The following NBN variants were observed in gnomAD, a reference collection of about 807,000 sequenced individuals.
NBN encodes the protein nibrin, also known as Nijmegen breakage syndrome 1 (nibrin).
In NBN, 88 loss-of-function variants were observed where a neutral mutation model predicts 90.8. The observed-to-expected ratio is 0.97, with a 90% CI of 0.82 to 1.16. NBN has a LOEUF of 1.16. NBN is among the 50% of genes most tolerant of loss of function. The probability of loss-of-function intolerance (pLI) is 0.00; values close to 1 mark genes in which losing one functional copy is unlikely to be tolerated. For missense variants in NBN, 894 were observed against 869.6 expected (o/e 1.03, Z -0.35); for synonymous variants, 328 against 295.1 (o/e 1.11, Z -1.14).
Position 89,943,329 on chromosome 8 carries a change from A to G in NBN, c.2108T>C (p.Ile703Thr), listed in dbSNP as rs1554555819. The change falls in exon 14 of 16, where the codon ATT (isoleucine) becomes ACT (threonine). Residue 703 changes from isoleucine to threonine, a missense_variant. Ile to Thr is a moderately conservative substitution (Grantham distance 89). Transcript: ENST00000265433. ...YPGAGKLPHIIGGSDLIAHHA... is the reference protein window; with the variant it reads ...YPGAGKLPHITGGSDLIAHHA... Reference sequence around the variant, plus strand: ...ATGAGCTATTAGATCTGATCCTCCAATGATGTGTGGAAGTTTTCCTGCTCC... The same window carrying G: ...ATGAGCTATTAGATCTGATCCTCCAGTGATGTGTGGAAGTTTTCCTGCTCC... 3 of 1,611,188 alleles carry G rather than the reference A, an allele frequency of 1.9e-6. No individual in the cohort carries two copies. The highest frequency in any genetic ancestry group is 2.5e-6 in the Non-Finnish European group (3 of 1,177,408).
rs1399969770 is a variant in NBN at position 89,946,075 on chromosome 8, G to A, written c.2070+65C>T. On this transcript the variant is annotated intron_variant, in intron 13 of 15. Transcript: ENST00000265433. ...CATAAACTGCTTTTATCTTTGTTTA[G>A]CATCACTGGTATCTCTAAAAACATT... 4 of 1,221,338 alleles carry A rather than the reference G, an allele frequency of 3.3e-6. No homozygotes were observed. The East Asian group carries it at 9.4e-5, about 29-fold the overall frequency. 75.7% of individuals were successfully genotyped at this position (1,221,338 alleles called of 1,614,324 possible). A position where few individuals can be genotyped will look rare whatever the true frequency, so the allele number is the denominator to read the frequency against.
intron 5 of NBN, among the ~76,000 whole-genome samples, chr8:89,976,473 G>A (rs944692701): frequency 1.8e-4 from 27 of 152,310 alleles, no homozygotes; most frequent in African/African-American, 5.8e-4. Context: ...TACTTAGCTC[G>A]GAACCTGGCC....
intron 11 of NBN, among the ~76,000 whole-genome samples, chr8:89,950,055 A>C (rs1810375289): frequency 1.3e-5 from 2 of 152,230 alleles, no homozygotes; most frequent in African/African-American, 4.8e-5. Flanking sequence ...AATTAGATAA[A>C]GGGTTCGCTG....
At chr8:89,959,494 T>C (rs1024289845) in intron 8 of NBN, among the ~76,000 whole-genome samples, 5 of 152,178 alleles carry the variant, frequency 3.3e-5, no homozygotes, top group East Asian at 1.9e-4. Context: ...GGTTCACGCC[T>C]GTTATCCCAG....
chr8:89,945,718 T>C (rs1362346308), intron 13 of NBN, among the ~76,000 whole-genome samples: 2 of 152,160 alleles, frequency 1.3e-5, no homozygotes, highest in African/African-American at 4.8e-5. Context: ...ATATTTATAT[T>C]GTGTTTTATA....
chr8:89,978,501 C>T (rs1405243882), intron 4 of NBN, among the ~76,000 whole-genome samples, 178 bp from the exon 5 acceptor site: 3 of 152,284 alleles, frequency 2.0e-5, no homozygotes, highest in Middle Eastern at 6.8e-3. Context: ...GGTCTTTGGT[C>T]ACTGCATTAT....
At chr8:89,943,387 T>G in intron 13 of NBN, 21 bp from the exon 14 acceptor site, 1 of 1,596,240 alleles carries the variant, frequency 6.3e-7, no homozygotes, top group East Asian at 2.2e-5. Flanking sequence ...ATAAAAGTAG[T>G]ACAGTAAATC....
At chr8:89,945,443 A>T (rs1014567516) in intron 13 of NBN, among the ~76,000 whole-genome samples, 3 of 152,132 alleles carry the variant, frequency 2.0e-5, no homozygotes, top group Admixed American at 1.3e-4. Context: ...TAGAGAGAAA[A>T]ATCTCTACTA....
chr8:89,935,360 AT>A lies in NBN; in HGVS notation c.*221del, dbSNP rs1281534446. 5 of 516,658 alleles carry A rather than the reference AT, an allele frequency of 9.7e-6. No individual in the cohort carries two copies. Among genetic ancestry groups the A allele is most frequent in the Non-Finnish European group, 1.7e-5 (5 of 292,674 alleles). 32.0% of individuals were successfully genotyped at this position (516,658 alleles called of 1,614,324 possible). ...ATTAACTATTTAATAAACAAAACAC[AT>A]TTAAAAATGAAAAAAAGATGCAATG... is the stretch of plus-strand genomic sequence containing the variant. On this transcript the variant is annotated 3_prime_UTR_variant, in exon 16 of 16. Coordinates refer to ENST00000265433, the MANE Select transcript of NBN (RefSeq NM_002485.5).
chr8:89,981,505 G>A lies in NBN; in HGVS notation c.190C>T (p.Pro64Ser), dbSNP rs267602038. The A allele has an allele frequency of 6.2e-7, 1 of 1,612,740 alleles. No homozygotes were observed. Among genetic ancestry groups the A allele is most frequent in the Admixed American group, 1.7e-5 (1 of 60,004 alleles). ...VTNLSQTDEI[P>S]VLTLKDNSKY... ...GAATTATCTTTTAATGTCAATACAG[G>A]GATTTCATCTGTTTGACTCTGAAAA... The change falls in exon 3 of 16, where the codon CCT becomes TCT. Residue 64 changes from proline (P) to serine (S), a missense_variant. By Grantham distance (74) the Pro-to-Ser change is moderately conservative. Transcript: ENST00000265433.
chr8:89,964,235 C>T (rs1246949504), intron 8 of NBN, among the ~76,000 whole-genome samples, 175 bp downstream of exon 8: 2 of 152,138 alleles, frequency 1.3e-5, no homozygotes, highest in Admixed American at 6.5e-5. Flanking sequence ...ATAACAGTTT[C>T]TGCTACATGG....
chr8:89,981,855 T>C, intron 2 of NBN: 1 of 631,458 alleles, frequency 1.6e-6, no homozygotes, highest in Non-Finnish European at 2.4e-6. Context: ...ACAATTTCAT[T>C]CCTAGATCTT....
chr8:89,967,580 G>C (rs1035462546), intron 7 of NBN, among the ~76,000 whole-genome samples: 2 of 152,094 alleles, frequency 1.3e-5, no homozygotes, highest in Non-Finnish European at 2.9e-5. Context: ...CTGGGGAACA[G>C]GTCAGGAAAG....
In NBN at chr8:89,980,851, A is replaced by T. The variant is rs987369991; in HGVS notation, c.363T>A (p.Asp121Glu). ...EPLVACSSCL[D>E]VSGKTALNQA... ...GATTTAAAGCAGTTTTCCCAGAGAC[A>T]TCTAAACAAGAAGAGCATGCAACCA... Residue 121 changes from aspartate to glutamate, a missense_variant, in exon 4 of 16, where the codon GAT (aspartate) becomes GAA (glutamate). By Grantham distance (45) the Asp-to-Glu change is conservative. Transcript: ENST00000265433. 1.2e-6 allele frequency: 2 copies of T among 1,612,602 alleles called. No individual in the cohort carries two copies. The highest frequency in any genetic ancestry group is 1.7e-6 in the Non-Finnish European group (2 of 1,178,926).
chr8:89,958,872 A>C lies in NBN; in HGVS notation c.995-18T>G, dbSNP rs1165001297. 4 of 1,612,764 alleles carry C rather than the reference A, an allele frequency of 2.5e-6. No individual in the cohort carries two copies. The African/African-American group carries it at 5.3e-5, about 22-fold the overall frequency. ...CTTTAATCCTGTAAATCACACAAGT[A>C]GAAAGAAAGAATCACAACTGCTAGA... is the stretch of plus-strand genomic sequence containing the variant. On this transcript the variant is annotated intron_variant, in intron 8 of 15. Coordinates refer to ENST00000265433, the MANE Select transcript of NBN (RefSeq NM_002485.5).
At chr8:89,978,346 A>G in intron 4 of NBN, 23 bp from the exon 5 acceptor site, 1 of 1,564,406 alleles carries the variant, frequency 6.4e-7, no homozygotes, top group Non-Finnish European at 8.8e-7. Context: ...AAACATGTGA[A>G]TATATATATT....
chr8:89,948,446 A>T (rs953765097), intron 11 of NBN, among the ~76,000 whole-genome samples: 1 of 152,348 alleles, frequency 6.6e-6, no homozygotes, highest in East Asian at 1.9e-4. Flanking sequence ...ACTGTTCAAG[A>T]TATTTGTCTG....
At chr8:89,940,997 C>CTAT (rs1809915926) in intron 14 of NBN, among the ~76,000 whole-genome samples, 1 of 152,010 alleles carries the variant, frequency 6.6e-6, no homozygotes, top group African/African-American at 2.4e-5. Flanking sequence ...TGGTGAGAAA[C>CTAT]ATTATAGACA....
At position 89,984,557 on chromosome 8, in the gene NBN, C is replaced by G; in HGVS notation, c.5G>C (p.Trp2Ser). 6.2e-7 allele frequency: 1 copy of G among 1,613,194 alleles called. No homozygotes were observed. The highest frequency in any genetic ancestry group is 8.5e-7 in the Non-Finnish European group (1 of 1,179,788). Reference protein sequence around the residue: MWKLLPAAGPAG... With the variant: MSKLLPAAGPAG... Reference sequence around the variant, plus strand: ...CGGGCCCGCGGCGGGCAGCAGTTTCCACATCGGTCCGGCTCCTCAGGGCTG... The same window carrying G: ...CGGGCCCGCGGCGGGCAGCAGTTTCGACATCGGTCCGGCTCCTCAGGGCTG... Residue 2 changes from tryptophan to serine, a missense_variant, in exon 1 of 16, where the codon TGG becomes TCG. Physicochemically the swap from Trp to Ser is radical, Grantham distance 177. Coordinates refer to ENST00000265433, the MANE Select transcript of NBN (RefSeq NM_002485.5).
Sources: gnomAD v4.1 joint callset for allele counts (sites outside exome capture counted in the v4.1 genomes callset) on GRCh38, gnomAD v4.1.1 for gene constraint, MANE v1.5 for transcripts, NCBI Gene and HGNC (gene_info 2026-07-23, HGNC 2026-07-21) for gene names.